SMPD4: variants seen among roughly 807,000 people sequenced by gnomAD.
The protein encoded by SMPD4 is neutral sphingomyelinase 3.
In SMPD4, 58 loss-of-function variants were observed where a neutral mutation model predicts 97.8. The observed-to-expected ratio is 0.59, with a 90% CI of 0.48 to 0.74. The LOEUF is 0.74. Among genes scored for constraint, SMPD4 ranks in the 30% least tolerant of loss-of-function variants. SMPD4 has a pLI of 0.00. For missense variants in SMPD4, 853 were observed against 1,080.5 expected (o/e 0.79, Z 2.95); for synonymous variants, 388 against 450.0 (o/e 0.86, Z 1.74).
chr2:130,155,119 T>A lies in SMPD4; in HGVS notation c.1430A>T (p.Asn477Ile). Residue 477 changes from asparagine (N) to isoleucine (I), a missense_variant, in exon 15 of 20, where the codon AAC becomes ATC. Physicochemically the swap from Asn to Ile is moderately radical, Grantham distance 149. Around this residue, in one of 3 missense-constraint regions of SMPD4, gnomAD observed 511 missense variants for 608.1 expected, o/e 0.84. Transcript: ENST00000680298. ...FRVAKVFAQP[N>I]LAEMIQKGEQ... ...ACCTTTCTGAATCATCTCAGCCAGG[T>A]TGGGCTGGGCAAAGACTTTGGCCAC... is the stretch of plus-strand genomic sequence containing the variant. The A allele has an allele frequency of 2.5e-6, 4 of 1,614,144 alleles. No homozygotes were observed. Among genetic ancestry groups the A allele is most frequent in the Non-Finnish European group, 2.5e-6 (3 of 1,180,020 alleles).
chr2:130,157,114 C>T (rs1686884920), intron 12 of SMPD4, 137 bp downstream of exon 12: 1 of 675,880 alleles, frequency 1.5e-6, no homozygotes, highest in Non-Finnish European at 2.5e-6. Context: ...CCTGGAGAGG[C>T]CTCACGTGCT....
rs147260801 is a variant in SMPD4, at chr2:130,165,863, G to A, written c.793-1418C>T. ...AAGATTAGAGGTGTGAGGCCCCTGC[G>A]CCCGGGCTGGTTCAGTTTCAGTTTT... On this transcript the variant is annotated intron_variant, in intron 9 of 19. Coordinates refer to ENST00000680298, the MANE Select transcript of SMPD4 (RefSeq NM_017951.5). 4.1e-4 allele frequency among the ~76,000 whole-genome samples: 63 copies of A among 152,206 alleles called. No individual in the cohort carries two copies. The East Asian group carries it at 0.011, about 27-fold the overall frequency.
rs995175804 is a variant in SMPD4 at position 130,161,118 on chromosome 2, C to T, written c.951+68G>A. 88 of 1,491,896 alleles carry T rather than the reference C, an allele frequency of 5.9e-5. 1 individual carries two copies. The highest frequency in any genetic ancestry group is 7.6e-5 in the Non-Finnish European group (82 of 1,083,960). The allele number at this position is 1,491,896 out of a possible 1,614,324, so 92.4% of individuals were successfully genotyped here. A position where few individuals can be genotyped will look rare whatever the true frequency, so the allele number is the denominator to read the frequency against. On this transcript the variant is annotated intron_variant, in intron 11 of 19. Transcript: ENST00000680298. ...CTGAGTCACCAGCGGCCGGCCCCGG[C>T]GGCCCCTTGCTTTGCCAGGCATGGA... is the stretch of plus-strand genomic sequence containing the variant.
intron 1 of SMPD4, among the ~76,000 whole-genome samples, chr2:130,178,053 C>T (rs1487324299): frequency 6.6e-6 from 1 of 152,188 alleles, no homozygotes; most frequent in Non-Finnish European, 1.5e-5. Context: ...TCTACAACTC[C>T]AAGGAACTGG....
At chr2:130,165,719 T>C (rs1269174941) in intron 9 of SMPD4, among the ~76,000 whole-genome samples, 3 of 152,116 alleles carry the variant, frequency 2.0e-5, no homozygotes, top group Admixed American at 6.5e-5. Flanking sequence ...TGGGGAATTG[T>C]TTAATGGTTT....
chr2:130,152,508 G>A lies in SMPD4; in HGVS notation c.*47C>T. 1.3e-6 allele frequency: 2 copies of A among 1,501,274 alleles called. No homozygotes were observed. The highest frequency in any genetic ancestry group is 1.3e-5 in the South Asian group (1 of 77,720). The allele number at this position is 1,501,274 out of a possible 1,614,324, so 93.0% of individuals were successfully genotyped here. A position where few individuals can be genotyped will look rare whatever the true frequency, so the allele number is the denominator to read the frequency against. On this transcript the variant is annotated 3_prime_UTR_variant, in exon 20 of 20. Transcript: ENST00000680298. ...CAGGTCCTCTCAGCCCAAGGGTGGG[G>A]CTGTGTGGCAAATCCCTCCAGCCTG... is the stretch of plus-strand genomic sequence containing the variant.
intron 15 of SMPD4, chr2:130,154,738 G>A (rs975014920): frequency 1.9e-5 from 11 of 582,182 alleles, no homozygotes; most frequent in East Asian, 1.2e-4. Flanking sequence ...AGAAACCAAC[G>A]CCCAACCCAG....
chr2:130,155,889 G>A (rs1350287344), intron 14 of SMPD4, 146 bp downstream of exon 14: 1 of 712,786 alleles, frequency 1.4e-6, no homozygotes, highest in Non-Finnish European at 2.4e-6. Context: ...GTTCCGCTCG[G>A]CAGGGGCTGG....
chr2:130,153,216 C>A, intron 18 of SMPD4, 45 bp from the exon 19 acceptor site: 1 of 1,613,452 alleles, frequency 6.2e-7, no homozygotes, highest in Non-Finnish European at 8.5e-7. Flanking sequence ...CACAGCCCCA[C>A]ACACAACTCA....
intron 1 of SMPD4, 51 bp downstream of exon 1, chr2:130,181,479 G>A (rs1378927872): frequency 2.6e-6 from 4 of 1,559,024 alleles, no homozygotes; most frequent in Admixed American, 3.9e-5. Context: ...GGGGCTCGGG[G>A]AAGCCCCCAG....
chr2:130,172,665 T>TTA lies in SMPD4; in HGVS notation c.466_467insTA (p.Tyr156LeufsTer9). On this transcript the variant is annotated frameshift_variant, in exon 7 of 20. Transcript: ENST00000680298. LOFTEE classifies it high-confidence loss of function. Reference sequence around the variant, plus strand: ...GCTCAAGGCAAAGAAGAATATGTAATACTCGAACGGATCTGAGAGCAGCGT... The same window carrying TTA: ...GCTCAAGGCAAAGAAGAATATGTAATTAACTCGAACGGATCTGAGAGCAGCGT... 1 of 1,614,188 alleles carries TTA rather than the reference T, an allele frequency of 6.2e-7. No individual in the cohort carries two copies.
intron 19 of SMPD4, 55 bp from the exon 20 acceptor site, chr2:130,152,939 G>A: frequency 1.3e-6 from 2 of 1,560,010 alleles, no homozygotes; most frequent in Admixed American, 1.8e-5. Context: ...CAGGCCTCAG[G>A]ACAGCAGTAC....
At chr2:130,161,152 C>T (rs1226408199) in intron 11 of SMPD4, 34 bp downstream of exon 11, 2 of 1,605,468 alleles carry the variant, frequency 1.2e-6, no homozygotes, top group Non-Finnish European at 8.5e-7. Flanking sequence ...GACATGCACT[C>T]TGGGCAGGAG....
rs766014573 is a variant in SMPD4, at chr2:130,152,673, A to G, written c.2366T>C (p.Val789Ala). ...TLVSLLLAFF[V>A]ASLFCVGPLP... ...GGGCCCGACGCAGAACAGAGAGGCC[A>G]CGAAGAAGGCCAGCAGCAGCGAGAC... Residue 789 changes from valine (V) to alanine (A), a missense_variant, in exon 20 of 20, where the codon GTG (valine) becomes GCG (alanine). By Grantham distance (64) the Val-to-Ala change is moderately conservative. This residue lies in a region of SMPD4 where 511 missense variants were observed against 608.1 expected (regional missense o/e 0.84). Coordinates refer to ENST00000680298, the MANE Select transcript of SMPD4 (RefSeq NM_017951.5). 1.5e-5 allele frequency: 23 copies of G among 1,569,130 alleles called. No individual in the cohort carries two copies. In the South Asian group the frequency reaches 2.7e-4, roughly 18 times the overall value.
Position 130,167,534 on chromosome 2 carries a change from C to T in SMPD4, c.716G>A (p.Arg239Gln), listed in dbSNP as rs1259214724. 8.7e-6 allele frequency: 14 copies of T among 1,613,624 alleles called. No homozygotes were observed. The highest frequency in any genetic ancestry group is 1.1e-5 in the Non-Finnish European group (13 of 1,179,820). The change falls in exon 9 of 20, where the codon CGA (arginine) becomes CAA (glutamine). Residue 239 changes from arginine to glutamine, a missense_variant. Transcript: ENST00000680298. ...YGLHHTSLLK[R>Q]HISHQTSVNA... ...CACAGACGTCTGATGAGAGATGTGT[C>T]GCTTTAGGAGGCTAGTGTGGTGGAG...
chr2:130,168,528 A>ATT (rs34973029), intron 8 of SMPD4, among the ~76,000 whole-genome samples: 5 of 151,196 alleles, frequency 3.3e-5, no homozygotes, highest in East Asian at 3.9e-4. Context: ...CTCGTTATCA[A>ATT]TTTTTTTTTG....
At chr2:130,170,913 T>C (rs1287153838) in intron 8 of SMPD4, among the ~76,000 whole-genome samples, 2 of 151,494 alleles carry the variant, frequency 1.3e-5, no homozygotes, top group Non-Finnish European at 1.5e-5. Flanking sequence ...ATACAAAAAT[T>C]AGTCGGGCAT....
chr2:130,154,792 G>A lies in SMPD4; in HGVS notation c.1453+304C>T, dbSNP rs949764934. 2.1e-4 allele frequency: 123 copies of A among 590,336 alleles called. 1 individual carries two copies. The East Asian group carries it at 2.1e-3, about 10-fold the overall frequency. The allele number at this position is 590,336 out of a possible 1,614,324, so 36.6% of individuals were successfully genotyped here. On this transcript the variant is annotated intron_variant, in intron 15 of 19. Coordinates refer to ENST00000680298, the MANE Select transcript of SMPD4 (RefSeq NM_017951.5). ...AGAGACCAGGCTCACCTCCTGAAGC[G>A]GCCAACACGAGTTGCCAGGGAGAAA... is the stretch of plus-strand genomic sequence containing the variant.
intron 11 of SMPD4, chr2:130,159,679 A>G (rs1687200585): frequency 1.3e-5 from 2 of 152,004 alleles, no homozygotes; most frequent in Admixed American, 6.6e-5. Context: ...AGTATGAGAC[A>G]TAATACCTGT....
Sources: allele counts gnomAD v4.1 joint callset (sites outside exome capture counted in the v4.1 genomes callset), GRCh38; gene constraint gnomAD v4.1.1; regional missense constraint gnomAD v4.1.1; transcripts MANE v1.5; gene names NCBI Gene and HGNC (gene_info 2026-07-23, HGNC 2026-07-21).